Variants in FANCC observed in about 807,000 individuals in gnomAD.
FANCC encodes the protein Fanconi anemia group C protein.
A neutral mutation model predicts 71.3 loss-of-function variants in FANCC; 55 were observed. That is an observed-to-expected ratio of 0.77 (90% CI 0.62 to 0.97). The LOEUF (loss-of-function observed/expected upper bound fraction) is 0.97. Ranked by LOEUF, FANCC falls within the 50% of genes least tolerant of loss-of-function variation. The pLI, the probability that FANCC is intolerant of heterozygous loss-of-function variation, is 0.00. For synonymous variants in FANCC, 275 were observed against 244.9 expected, an observed-to-expected ratio of 1.12 and a Z score of -1.15; for missense variants, 678 against 670.9, an observed-to-expected ratio of 1.01 and a Z score of -0.12.
intron 4 of FANCC, among the ~76,000 whole-genome samples, chr9:95,193,117 G>A (rs1387683325): frequency 6.6e-6 from 1 of 152,138 alleles, no homozygotes; most frequent in African/African-American, 2.4e-5. Flanking sequence ...AAGAGGCAAC[G>A]AACACATATA....
At chr9:95,227,558 C>T (rs1829698197) in intron 4 of FANCC, among the ~76,000 whole-genome samples, 1 of 152,236 alleles carries the variant, frequency 6.6e-6, no homozygotes, top group East Asian at 1.9e-4. Flanking sequence ...CACTGCTCCA[C>T]TCCCACTTCT....
intron 4 of FANCC, among the ~76,000 whole-genome samples, chr9:95,232,403 A>G (rs928837385): frequency 1.3e-5 from 2 of 152,220 alleles, no homozygotes; most frequent in Non-Finnish European, 2.9e-5. Context: ...GAGTAAAATT[A>G]ACTGAGGCTG....
At chr9:95,272,132 G>A (rs1441988137) in intron 1 of FANCC, among the ~76,000 whole-genome samples, 29 of 151,070 alleles carry the variant, frequency 1.9e-4, no homozygotes, top group Admixed American at 1.7e-3. Context: ...TAGAGACAGG[G>A]TTTCACCATG....
At chr9:95,183,722 T>C (rs1185340212) in intron 4 of FANCC, among the ~76,000 whole-genome samples, 2 of 152,170 alleles carry the variant, frequency 1.3e-5, no homozygotes, top group African/African-American at 4.8e-5. Context: ...CAGCTTGCAG[T>C]AACCTTCGGG....
intron 1 of FANCC, among the ~76,000 whole-genome samples, chr9:95,307,543 T>C (rs1239068083): frequency 6.6e-6 from 1 of 152,212 alleles, no homozygotes; most frequent in African/African-American, 2.4e-5. Context: ...TTCTGATCTG[T>C]CCATTTTTTT....
intron 6 of FANCC, among the ~76,000 whole-genome samples, chr9:95,151,955 C>A (rs951090019): frequency 4.0e-5 from 6 of 150,340 alleles, no homozygotes; most frequent in Non-Finnish European, 5.9e-5. Context: ...AAACAAAAAA[C>A]AAAACAAAAA....
intron 1 of FANCC, among the ~76,000 whole-genome samples, chr9:95,288,415 G>A (rs909292874): frequency 1.3e-5 from 2 of 152,016 alleles, no homozygotes; most frequent in African/African-American, 2.4e-5. Context: ...CTTGAAAACC[G>A]CTAGGCTATT....
At chr9:95,237,160 G>T (rs978842134) in intron 4 of FANCC, among the ~76,000 whole-genome samples, 1 of 152,120 alleles carries the variant, frequency 6.6e-6, no homozygotes, top group Non-Finnish European at 1.5e-5. Context: ...ATGTTATTTA[G>T]TTCAGGCTTG....
At chr9:95,229,969 T>C (rs1385481605) in intron 4 of FANCC, among the ~76,000 whole-genome samples, 1 of 152,208 alleles carries the variant, frequency 6.6e-6, no homozygotes, top group Non-Finnish European at 1.5e-5. Flanking sequence ...ATTTTGTGCC[T>C]GCTATGAGTT....
Position 95,100,858 on chromosome 9 carries a change from G to C in FANCC, c.*849C>G, listed in dbSNP as rs2071049299. The C allele has an allele frequency of 4.3e-6, 1 of 230,848 alleles. No homozygotes were observed. The highest frequency in any genetic ancestry group is 5.6e-5 in the Admixed American group (1 of 17,710). 14.3% of individuals were successfully genotyped at this position (230,848 alleles called of 1,614,324 possible). A position where few individuals can be genotyped will look rare whatever the true frequency, so the allele number is the denominator to read the frequency against. On this transcript the variant is annotated 3_prime_UTR_variant, in exon 15 of 15. Transcript: ENST00000289081. ...GTTAGCCAGGCAGTCTGGAACTCCT[G>C]GGCTGAAGTAATCCCCCTGCCTTGG...
chr9:95,305,774 T>C (rs1176890146), intron 1 of FANCC, among the ~76,000 whole-genome samples: 1 of 152,250 alleles, frequency 6.6e-6, no homozygotes, highest in African/African-American at 2.4e-5. Context: ...GTTAAAAGTA[T>C]ATTTTATTCC....
At position 95,171,239 on chromosome 9, in the gene FANCC, C is replaced by G. The variant is rs903932704; in HGVS notation, c.457-96G>C. The G allele has an allele frequency of 9.3e-6, 8 of 864,244 alleles. No individual in the cohort carries two copies. The African/African-American group carries it at 1.3e-4, about 14-fold the overall frequency. The allele number at this position is 864,244 out of a possible 1,614,324, so 53.5% of individuals were successfully genotyped here. A position where few individuals can be genotyped will look rare whatever the true frequency, so the allele number is the denominator to read the frequency against. Reference sequence around the variant, plus strand: ...TGTGAGTGATATTTCCGTTGAGATTCCCCCAACCCCCATCTTCTCATGTTT... The same window carrying G: ...TGTGAGTGATATTTCCGTTGAGATTGCCCCAACCCCCATCTTCTCATGTTT... On this transcript the variant is annotated intron_variant, in intron 5 of 14. Coordinates refer to ENST00000289081, the MANE Select transcript of FANCC (RefSeq NM_000136.3).
chr9:95,114,967 C>T (rs1017777650), intron 11 of FANCC, among the ~76,000 whole-genome samples: 11 of 152,118 alleles, frequency 7.2e-5, no homozygotes, highest in African/African-American at 2.4e-4. Flanking sequence ...TTTTAAGACA[C>T]GATCTTGCTT....
intron 1 of FANCC, among the ~76,000 whole-genome samples, chr9:95,284,050 C>A (rs148864029): frequency 6.6e-6 from 1 of 152,216 alleles, no homozygotes; most frequent in Admixed American, 6.5e-5. Context: ...TTTTAACACC[C>A]ATTCAATGTC....
At chr9:95,188,230 C>T (rs925974325) in intron 4 of FANCC, among the ~76,000 whole-genome samples, 1 of 152,186 alleles carries the variant, frequency 6.6e-6, no homozygotes, top group African/African-American at 2.4e-5. Context: ...CTATCTCCCA[C>T]AAGAGATGCA....
intron 4 of FANCC, among the ~76,000 whole-genome samples, chr9:95,230,339 G>A (rs956039323): frequency 1.3e-5 from 2 of 152,176 alleles, no homozygotes; most frequent in Admixed American, 6.5e-5. Context: ...CCTTTCAGGG[G>A]TGAGATATCT....
At chr9:95,127,055 T>C (rs1826096208) in intron 8 of FANCC, 1 of 178,406 alleles carries the variant, frequency 5.6e-6, no homozygotes, top group African/African-American at 2.4e-5. Flanking sequence ...GGCAAACCAG[T>C]GACCACTACC....
chr9:95,209,886 A>G (rs356686), intron 4 of FANCC, among the ~76,000 whole-genome samples: 142,668 of 152,220 alleles, frequency 0.94, 66,873 homozygotes, highest in Middle Eastern at 0.98. Context: ...AACCTGAAAT[A>G]TCTGCATCCA....
At chr9:95,272,989 C>A (rs1401963640) in intron 1 of FANCC, among the ~76,000 whole-genome samples, 1 of 152,132 alleles carries the variant, frequency 6.6e-6, no homozygotes, top group African/African-American at 2.4e-5. Flanking sequence ...CAGAGACCAT[C>A]CATCCCGTTA....
Sources: gnomAD v4.1 joint callset for allele counts (sites outside exome capture counted in the v4.1 genomes callset) on GRCh38, gnomAD v4.1.1 for gene constraint, MANE v1.5 for transcripts, NCBI Gene and HGNC (gene_info 2026-07-23, HGNC 2026-07-21) for gene names.